The following DNAJB5 variants were observed in gnomAD, a reference collection of about 807,000 sequenced individuals.
DNAJB5 encodes the protein DnaJ heat shock protein family (Hsp40) member B5.
DNAJB5 carries 12 observed loss-of-function variants against 32.6 expected under a neutral mutation model. That is an observed-to-expected ratio of 0.37 (90% CI 0.24 to 0.60). DNAJB5 has a LOEUF of 0.60. DNAJB5 is among the 20% of genes least tolerant of loss of function. DNAJB5 has a pLI of 0.71. For missense variants in DNAJB5, 358 were observed against 554.2 expected (o/e 0.65, Z 3.55); for synonymous variants, 188 against 212.9 (o/e 0.88, Z 1.02).
chr9:34,998,798 G>A (rs1002196085), downstream of DNAJB5: 5 of 151,660 alleles, frequency 3.3e-5, no homozygotes, highest in African/African-American at 9.7e-5. Flanking sequence ...TTTCTAGGAG[G>A]GGGTGGAGAA....
Position 34,990,624 on chromosome 9 carries a change from G to A in DNAJB5, c.-7G>A. The A allele has an allele frequency of 6.4e-7, 1 of 1,551,528 alleles. No individual in the cohort carries two copies. Among genetic ancestry groups the A allele is most frequent in the Non-Finnish European group, 8.7e-7 (1 of 1,146,936 alleles). ...GGAGCGATCAGAGGTGAGGGGCTTGGCTGGGCATGTTTAAGCGCACAGTGC... is the reference window on the plus strand; with the variant it reads ...GGAGCGATCAGAGGTGAGGGGCTTGACTGGGCATGTTTAAGCGCACAGTGC... On this transcript the variant is annotated 5_prime_UTR_variant, in exon 2 of 5. Coordinates refer to ENST00000682809, the MANE Select transcript of DNAJB5 (RefSeq NM_001349723.3). The surrounding 1 kb of genome is among the most constrained non-coding windows in gnomAD (Gnocchi z 4.5).
In DNAJB5 at chr9:34,991,126, C is replaced by CT. The variant is rs910202322; in HGVS notation, c.182+314_182+315insT. On this transcript the variant is annotated intron_variant, in intron 2 of 4. Transcript: ENST00000682809. ...CCATCTGTCACTCATCCCCCTCCATCAGTACCTCATTTTCTGTATCAGCCA... is the reference window on the plus strand; with the variant it reads ...CCATCTGTCACTCATCCCCCTCCATCTAGTACCTCATTTTCTGTATCAGCCA... 1.8e-5 allele frequency: 8 copies of CT among 442,862 alleles called. No individual in the cohort carries two copies. The Admixed American group carries it at 2.4e-4, about 13-fold the overall frequency. 27.4% of individuals were successfully genotyped at this position (442,862 alleles called of 1,614,324 possible).
intron 2 of DNAJB5, chr9:34,992,790 G>A (rs1827689631): frequency 9.8e-7 from 1 of 1,020,818 alleles, no homozygotes; most frequent in Non-Finnish European, 1.2e-6. Context: ...GCGTGGCGTA[G>A]GAGACCACGA....
At position 34,996,983 on chromosome 9, in the gene DNAJB5, C is replaced by G. The variant is rs1336882513; in HGVS notation, c.1030-43C>G. The G allele has an allele frequency of 1.9e-6, 3 of 1,605,318 alleles. No individual in the cohort carries two copies. In the South Asian group the frequency reaches 3.3e-5, roughly 18 times the overall value. ...AGTCTATTTCCTTCCTTCCCACTCA[C>G]CTTACCCCACCTTTTCCTCACTTTC... is the stretch of plus-strand genomic sequence containing the variant. On this transcript the variant is annotated intron_variant, in intron 4 of 4. Transcript: ENST00000682809. This position sits in a 1 kb window ranked among gnomAD's most constrained non-coding sequence, Gnocchi z 7.2.
rs1274558708 is a variant in DNAJB5, at chr9:34,993,433, A to G, written c.416A>G (p.Tyr139Cys). 1.2e-6 allele frequency: 2 copies of G among 1,611,542 alleles called. No individual in the cohort carries two copies. The highest frequency in any genetic ancestry group is 2.2e-5 in the South Asian group (2 of 90,832). ...DPKKRGLYDQ[Y>C]GEEGLKTGGG... ...AAGAAACGGGGCCTGTATGACCAGTATGGGGAGGAAGGTAAGAGGGCAGCA... is the reference window on the plus strand; with the variant it reads ...AAGAAACGGGGCCTGTATGACCAGTGTGGGGAGGAAGGTAAGAGGGCAGCA... The change falls in exon 3 of 5, where the codon TAT becomes TGT. Residue 139 changes from tyrosine (Y) to cysteine (C), a missense_variant. By Grantham distance (194) the Tyr-to-Cys change is radical. Around this residue, in one of 2 missense-constraint regions of DNAJB5, gnomAD observed 248 missense variants for 442.6 expected, o/e 0.56. Transcript: ENST00000682809. This position sits in a 1 kb window ranked among gnomAD's most constrained non-coding sequence, Gnocchi z 4.7.
Position 34,990,916 on chromosome 9 carries a change from C to G in DNAJB5, c.182+104C>G. 8.1e-7 allele frequency: 1 copy of G among 1,230,032 alleles called. No individual in the cohort carries two copies. The highest frequency in any genetic ancestry group is 1.1e-6 in the Non-Finnish European group (1 of 900,752). 76.2% of individuals were successfully genotyped at this position (1,230,032 alleles called of 1,614,324 possible). On this transcript the variant is annotated intron_variant, in intron 2 of 4. Transcript: ENST00000682809. The surrounding 1 kb of genome is among the most constrained non-coding windows in gnomAD (Gnocchi z 4.5). Reference sequence around the variant, plus strand: ...TGCTTCCTCCAACTCATCCTCATCCCCTCTGTGACATACAGGAACCCCCCT... The same window carrying G: ...TGCTTCCTCCAACTCATCCTCATCCGCTCTGTGACATACAGGAACCCCCCT...
chr9:34,997,049 C>T lies in DNAJB5; in HGVS notation c.1053C>T (p.Asn351=). Reference sequence around the variant, plus strand: ...AGGCGCTGTGTGGCTGCACTGTGAACATTCCCACTATCGACGGCCGAGTGA... The same window carrying T: ...AGGCGCTGTGTGGCTGCACTGTGAATATTCCCACTATCGACGGCCGAGTGA... ...LKEALCGCTV[N]IPTIDGRVIP... The change falls in exon 5 of 5, where the codon AAC becomes AAT. Residue 351 remains asparagine (N), a synonymous_variant. Transcript: ENST00000682809. The surrounding 1 kb of genome is among the most constrained non-coding windows in gnomAD (Gnocchi z 4.1). 4 of 1,613,684 alleles carry T rather than the reference C, an allele frequency of 2.5e-6. No homozygotes were observed. Among genetic ancestry groups the T allele is most frequent in the Non-Finnish European group, 3.4e-6 (4 of 1,180,042 alleles).
At chr9:34,991,499 A>C in intron 2 of DNAJB5, 2 of 451,802 alleles carry the variant, frequency 4.4e-6, no homozygotes, top group South Asian at 3.1e-5. Context: ...GAGCCGTTCC[A>C]CTGGCCCTCT....
chr9:34,996,549 G>A lies in DNAJB5; in HGVS notation c.712G>A (p.Val238Met). 2 of 1,614,166 alleles carry A rather than the reference G, an allele frequency of 1.2e-6. No individual in the cohort carries two copies. Among genetic ancestry groups the A allele is most frequent in the South Asian group, 2.2e-5 (2 of 91,080 alleles). Reference sequence around the variant, plus strand: ...AGAACCACTGTACCCTCGGCGCAAGGTGCAGGACCCCCCAGTGGTGCACGA... The same window carrying A: ...AGAACCACTGTACCCTCGGCGCAAGATGCAGGACCCCCCAGTGGTGCACGA... ...APEPLYPRRKVQDPPVVHELR... is the reference protein window; with the variant it reads ...APEPLYPRRKMQDPPVVHELR... Residue 238 changes from valine (V) to methionine (M), a missense_variant, in exon 4 of 5, where the codon GTG (valine) becomes ATG (methionine). Val to Met is a conservative substitution (Grantham distance 21). Transcript: ENST00000682809. The surrounding 1 kb of genome is among the most constrained non-coding windows in gnomAD (Gnocchi z 7.2).
chr9:34,994,498 G>A (rs148451474), intron 3 of DNAJB5, among the ~76,000 whole-genome samples: 104 of 152,208 alleles, frequency 6.8e-4, no homozygotes, highest in African/African-American at 2.5e-3. Flanking sequence ...ATACCGGCTG[G>A]AACCCCCAGT....
chr9:34,989,821 G>C lies in DNAJB5; in HGVS notation c.-143G>C. ...CTCACGGACCACGGCGGCGCCCGCAGCTCCTCACCGGTGAGGGCGCCAAGC... is the reference window on the plus strand; with the variant it reads ...CTCACGGACCACGGCGGCGCCCGCACCTCCTCACCGGTGAGGGCGCCAAGC... On this transcript the variant is annotated 5_prime_UTR_variant, in exon 1 of 5. Transcript: ENST00000682809. 2.4e-6 allele frequency: 3 copies of C among 1,232,812 alleles called. No individual in the cohort carries two copies. The highest frequency in any genetic ancestry group is 3.0e-6 in the Non-Finnish European group (3 of 988,512). The allele number at this position is 1,232,812 out of a possible 1,614,324, so 76.4% of individuals were successfully genotyped here. A position where few individuals can be genotyped will look rare whatever the true frequency, so the allele number is the denominator to read the frequency against.
chr9:34,993,502 G>A lies in DNAJB5; in HGVS notation c.427+58G>A, dbSNP rs539289672. 7.9e-5 allele frequency: 123 copies of A among 1,561,858 alleles called. No homozygotes were observed. Among genetic ancestry groups the A allele is most frequent in the Non-Finnish European group, 9.3e-5 (108 of 1,159,566 alleles). On this transcript the variant is annotated intron_variant, in intron 3 of 4. Coordinates refer to ENST00000682809, the MANE Select transcript of DNAJB5 (RefSeq NM_001349723.3). This position sits in a 1 kb window ranked among gnomAD's most constrained non-coding sequence, Gnocchi z 4.7. ...CCCCTCCGCTTGGTAGGGGTCCCAG[G>A]TGCACCAGTTTGTGTAGCGGGGAAC...
chr9:34,995,082 T>C (rs550978690), intron 3 of DNAJB5, among the ~76,000 whole-genome samples: 19 of 152,080 alleles, frequency 1.2e-4, no homozygotes, highest in Non-Finnish European at 1.9e-4. Flanking sequence ...AGCCCCTCGA[T>C]AGAAGGAAAG....
At position 34,990,977 on chromosome 9, in the gene DNAJB5, C is replaced by G. The variant is rs1587494823; in HGVS notation, c.182+165C>G. ...CCACATATTTGAATGAATTGCACCC[C>G]TTATCATTCCTTTTCTCAAACCCTT... On this transcript the variant is annotated intron_variant, in intron 2 of 4. Transcript: ENST00000682809. This position sits in a 1 kb window ranked among gnomAD's most constrained non-coding sequence, Gnocchi z 4.5. 1.5e-5 allele frequency: 10 copies of G among 671,560 alleles called. No homozygotes were observed. In the South Asian group the frequency reaches 1.9e-4, roughly 13 times the overall value. 41.6% of individuals were successfully genotyped at this position (671,560 alleles called of 1,614,324 possible).
chr9:34,998,723 A>G (rs1359546510), downstream of DNAJB5: 1 of 152,018 alleles, frequency 6.6e-6, no homozygotes, highest in African/African-American at 2.4e-5. Context: ...GCATGAAAAC[A>G]GATTTTCTCT....
intron 3 of DNAJB5, among the ~76,000 whole-genome samples, chr9:34,995,800 G>A (rs374780033): frequency 1.2e-4 from 18 of 152,200 alleles, no homozygotes; most frequent in African/African-American, 1.7e-4. Flanking sequence ...GCCTATTTGC[G>A]ACTGTTCACT....
rs929543750 is a variant in DNAJB5, at chr9:34,997,440, G to A, written c.*181G>A. The stretch of plus-strand genomic sequence containing the variant: ...CCCCTTTTAGAGCTGGGCTGCCTGG[G>A]GGGAGTGGGAGGGAGGTGGGGAGAG... On this transcript the variant is annotated 3_prime_UTR_variant, in exon 5 of 5. Transcript: ENST00000682809. The surrounding 1 kb of genome is among the most constrained non-coding windows in gnomAD (Gnocchi z 4.1). 2 of 752,840 alleles carry A rather than the reference G, an allele frequency of 2.7e-6. No homozygotes were observed. The highest frequency in any genetic ancestry group is 2.9e-5 in the South Asian group (2 of 67,920). The allele number at this position is 752,840 out of a possible 1,614,324, so 46.6% of individuals were successfully genotyped here.
At position 34,993,113 on chromosome 9, in the gene DNAJB5, G is replaced by T; in HGVS notation, c.183-87G>T. On this transcript the variant is annotated intron_variant, in intron 2 of 4. Coordinates refer to ENST00000682809, the MANE Select transcript of DNAJB5 (RefSeq NM_001349723.3). The surrounding 1 kb of genome is among the most constrained non-coding windows in gnomAD (Gnocchi z 4.7). ...GGCATGACCTGCTGAAGGTTACCCA[G>T]GGAGTCATTTAGGGATTGCAAGATC... is the stretch of plus-strand genomic sequence containing the variant. 6.7e-7 allele frequency: 1 copy of T among 1,487,916 alleles called. No individual in the cohort carries two copies. 92.2% of individuals were successfully genotyped at this position (1,487,916 alleles called of 1,614,324 possible).
Position 34,990,881 on chromosome 9 carries a change from A to G in DNAJB5, c.182+69A>G, listed in dbSNP as rs1452334315. 2.1e-6 allele frequency: 3 copies of G among 1,460,688 alleles called. No homozygotes were observed. Among genetic ancestry groups the G allele is most frequent in the Non-Finnish European group, 2.7e-6 (3 of 1,092,338 alleles). 90.5% of individuals were successfully genotyped at this position (1,460,688 alleles called of 1,614,324 possible). The stretch of plus-strand genomic sequence containing the variant: ...AACCCTCCACGCGGCCATCCCCTCC[A>G]TTGCCTTCCTGCTTCCTCCAACTCA... On this transcript the variant is annotated intron_variant, in intron 2 of 4. Coordinates refer to ENST00000682809, the MANE Select transcript of DNAJB5 (RefSeq NM_001349723.3). The surrounding 1 kb of genome is among the most constrained non-coding windows in gnomAD (Gnocchi z 4.5).
Sources: gnomAD v4.1 joint callset for allele counts (sites outside exome capture counted in the v4.1 genomes callset) on GRCh38, gnomAD v4.1.1 for gene constraint, gnomAD v4.1.1 regional missense constraint, Gnocchi (gnomAD v3.1) non-coding constraint, MANE v1.5 for transcripts, NCBI Gene and HGNC (gene_info 2026-07-23, HGNC 2026-07-21) for gene names.